Variants in DBF4 observed in about 807,000 individuals in gnomAD.
The protein encoded by DBF4 is protein DBF4 homolog A.
DBF4 carries 25 observed loss-of-function variants against 76.6 expected under a neutral mutation model. That is an observed-to-expected ratio of 0.33 (90% CI 0.24 to 0.46). The LOEUF (loss-of-function observed/expected upper bound fraction) is 0.46. Among genes scored for constraint, DBF4 ranks in the 20% least tolerant of loss-of-function variants. The probability of loss-of-function intolerance (pLI) is 1.00; values close to 1 mark genes in which losing one functional copy is unlikely to be tolerated. For synonymous variants in DBF4, 213 were observed against 258.0 expected (o/e 0.83, Z 1.67); for missense variants, 638 against 760.8 (o/e 0.84, Z 1.90).
chr7:87,905,932 C>T (rs1197576305), intron 11 of DBF4, among the ~76,000 whole-genome samples: 8 of 151,302 alleles, frequency 5.3e-5, no homozygotes, highest in East Asian at 3.9e-4. Flanking sequence ...AAGGCCGAGG[C>T]GGGCAGATCA....
At chr7:87,894,776 A>G (rs1176643188) in intron 6 of DBF4, among the ~76,000 whole-genome samples, 1 of 152,122 alleles carries the variant, frequency 6.6e-6, no homozygotes, top group Non-Finnish European at 1.5e-5. Flanking sequence ...ATCTGCAGTT[A>G]CTCAAATTGG....
intron 10 of DBF4, among the ~76,000 whole-genome samples, chr7:87,903,785 C>A (rs1246262372): frequency 6.7e-6 from 1 of 150,198 alleles, no homozygotes; most frequent in Non-Finnish European, 1.5e-5. Context: ...CCCTCCACCT[C>A]CTGGGTTCAA....
Position 87,904,279 on chromosome 7 carries a change from A to C in DBF4, c.925-13A>C, listed in dbSNP as rs1839863145. The stretch of plus-strand genomic sequence containing the variant: ...ATACAATTTTTTGATACATGTTTTT[A>C]ATTTTGTTTTAGCACCTTCTAAGTG... On this transcript the variant is annotated splice_polypyrimidine_tract_variant and intron_variant, in intron 10 of 11. Coordinates refer to ENST00000265728, the MANE Select transcript of DBF4 (RefSeq NM_006716.4). 1 of 1,575,852 alleles carries C rather than the reference A, an allele frequency of 6.3e-7. No homozygotes were observed. Among genetic ancestry groups the C allele is most frequent in the African/African-American group, 1.4e-5 (1 of 72,536 alleles).
At chr7:87,893,141 A>T (rs1172939093) in intron 6 of DBF4, among the ~76,000 whole-genome samples, 1 of 152,168 alleles carries the variant, frequency 6.6e-6, no homozygotes, top group African/African-American at 2.4e-5. Context: ...GAAATTACCA[A>T]GTAAAATTGT....
intron 6 of DBF4, among the ~76,000 whole-genome samples, chr7:87,895,983 A>G (rs770498855): frequency 6.6e-6 from 1 of 152,206 alleles, no homozygotes; most frequent in Non-Finnish European, 1.5e-5. Flanking sequence ...TGAAGGTTCC[A>G]GTTTTGACTT....
At chr7:87,893,286 C>T (rs899506344) in intron 6 of DBF4, among the ~76,000 whole-genome samples, 118 of 149,104 alleles carry the variant, frequency 7.9e-4, no homozygotes, top group Middle Eastern at 3.4e-3. Context: ...TCGCCCAGGC[C>T]GGACTGTGGA....
At chr7:87,890,903 A>G (rs1055329090) in intron 6 of DBF4, among the ~76,000 whole-genome samples, 8 of 152,198 alleles carry the variant, frequency 5.3e-5, no homozygotes, top group African/African-American at 1.4e-4. Flanking sequence ...TCCAGAATCT[A>G]TATCTGGTTG....
chr7:87,900,750 A>G lies in DBF4; in HGVS notation c.810-14A>G, dbSNP rs1839763247. ...TTCAGCAGTTAATTCTTTACCATGT[A>G]TGTCTGTCATCAGAATCCAAACAGA... On this transcript the variant is annotated splice_polypyrimidine_tract_variant and intron_variant, in intron 9 of 11. Coordinates refer to ENST00000265728, the MANE Select transcript of DBF4 (RefSeq NM_006716.4). The G allele has an allele frequency of 1.3e-6, 2 of 1,598,582 alleles. No homozygotes were observed. The highest frequency in any genetic ancestry group is 1.7e-6 in the Non-Finnish European group (2 of 1,168,736).
At chr7:87,886,684 T>G (rs1394400568) in intron 3 of DBF4, among the ~76,000 whole-genome samples, 160 bp from the exon 4 acceptor site, 1 of 152,122 alleles carries the variant, frequency 6.6e-6, no homozygotes, top group East Asian at 1.9e-4. Flanking sequence ...TATTTTATTT[T>G]TCATGTTGAA....
In DBF4 at chr7:87,907,811, C is replaced by A. The variant is rs778285521; in HGVS notation, c.1673C>A (p.Pro558His). The A allele has an allele frequency of 2.5e-6, 4 of 1,613,710 alleles. No homozygotes were observed. The highest frequency in any genetic ancestry group is 3.4e-6 in the Non-Finnish European group (4 of 1,179,902). The change falls in exon 12 of 12, where the codon CCC (proline) becomes CAC (histidine). Residue 558 changes from proline (P) to histidine (H), a missense_variant. Physicochemically the swap from Pro to His is moderately conservative, Grantham distance 77. Transcript: ENST00000265728. ...CCATTCCATACTCCTCCTGAGGAAC[C>A]CAATGAATGTGACTTCAAGAATATG... ...KAPFHTPPEE[P>H]NECDFKNMDS...
At chr7:87,894,640 C>T (rs915627329) in intron 6 of DBF4, among the ~76,000 whole-genome samples, 3 of 152,166 alleles carry the variant, frequency 2.0e-5, no homozygotes, top group Non-Finnish European at 4.4e-5. Context: ...ACAAGGAATT[C>T]TCTGAGATAT....
chr7:87,903,279 C>G (rs1284184901), intron 10 of DBF4, among the ~76,000 whole-genome samples: 1 of 152,114 alleles, frequency 6.6e-6, no homozygotes, highest in Non-Finnish European at 1.5e-5. Flanking sequence ...GGGATTTCAC[C>G]GTGTTGGCCA....
intron 2 of DBF4, among the ~76,000 whole-genome samples, chr7:87,879,854 G>A (rs1305850214): frequency 6.6e-6 from 1 of 151,798 alleles, no homozygotes; most frequent in Non-Finnish European, 1.5e-5. Flanking sequence ...TCGGGAGGCC[G>A]AGGCATGAGC....
At chr7:87,906,318 G>C (rs952040381) in intron 11 of DBF4, among the ~76,000 whole-genome samples, 4 of 150,472 alleles carry the variant, frequency 2.7e-5, no homozygotes, top group Non-Finnish European at 4.4e-5. Context: ...AGCCATGTTA[G>C]AGTAGTTTTT....
intron 11 of DBF4, among the ~76,000 whole-genome samples, chr7:87,906,366 A>G (rs1839916154): frequency 6.6e-6 from 1 of 150,494 alleles, no homozygotes; most frequent in Admixed American, 6.6e-5. Flanking sequence ...CCATTTGTTC[A>G]AAGAGAATTG....
At chr7:87,890,407 C>T (rs571544489) in intron 6 of DBF4, among the ~76,000 whole-genome samples, 3 of 151,918 alleles carry the variant, frequency 2.0e-5, no homozygotes, top group Non-Finnish European at 2.9e-5. Flanking sequence ...TGGTGCATGC[C>T]TGTAATCCCA....
rs1382702971 is a variant in DBF4, at chr7:87,908,041, A to G, written c.1903A>G (p.Thr635Ala). The G allele has an allele frequency of 6.2e-7, 1 of 1,613,696 alleles. No homozygotes were observed. The change falls in exon 12 of 12, where the codon ACA (threonine) becomes GCA (alanine). Residue 635 changes from threonine to alanine, a missense_variant. Physicochemically the swap from Thr to Ala is moderately conservative, Grantham distance 58. Transcript: ENST00000265728. ...SEEKSEFLGFTSYTEKSGICN... is the reference protein window; with the variant it reads ...SEEKSEFLGFASYTEKSGICN... ...AGAGAAATCAGAATTTTTGGGTTTC[A>G]CAAGCTACACAGAAAAGAGTGGTAT... is the stretch of plus-strand genomic sequence containing the variant.
chr7:87,901,395 AG>A (rs1839785905), intron 10 of DBF4, among the ~76,000 whole-genome samples: 2 of 152,232 alleles, frequency 1.3e-5, no homozygotes. Flanking sequence ...AGATATTGAT[AG>A]TCCAGACTAA....
Position 87,907,313 on chromosome 7 carries a change from T to C in DBF4, c.1175T>C (p.Val392Ala), listed in dbSNP as rs1334296904. The C allele has an allele frequency of 6.2e-7, 1 of 1,613,958 alleles. No individual in the cohort carries two copies. Among genetic ancestry groups the C allele is most frequent in the East Asian group, 2.2e-5 (1 of 44,854 alleles). The change falls in exon 12 of 12, where the codon GTG becomes GCG. Residue 392 changes from valine (V) to alanine (A), a missense_variant. Val to Ala is a moderately conservative substitution (Grantham distance 64). Coordinates refer to ENST00000265728, the MANE Select transcript of DBF4 (RefSeq NM_006716.4). Reference sequence around the variant, plus strand: ...GATTGCCAGGAAGATGATACAACAGTGAAGGAGCAGAATTTCCTGTATAAA... The same window carrying C: ...GATTGCCAGGAAGATGATACAACAGCGAAGGAGCAGAATTTCCTGTATAAA... ...QKDCQEDDTT[V>A]KEQNFLYKET...
Sources: allele counts gnomAD v4.1 joint callset (sites outside exome capture counted in the v4.1 genomes callset), GRCh38; gene constraint gnomAD v4.1.1; transcripts MANE v1.5; gene names NCBI Gene and HGNC (gene_info 2026-07-23, HGNC 2026-07-21).